STK24: variants seen among roughly 807,000 people sequenced by gnomAD.
The protein encoded by STK24 is serine/threonine-protein kinase 24.
Under a neutral mutation model 55.6 loss-of-function variants are expected in STK24, and 21 were observed. That is an observed-to-expected ratio of 0.38 (90% CI 0.27 to 0.54). The LOEUF (loss-of-function observed/expected upper bound fraction) is 0.54, where lower values mean the gene tolerates loss of function less well. STK24 is among the 20% of genes least tolerant of loss of function. The pLI, the probability that STK24 is intolerant of heterozygous loss-of-function variation, is 0.79. For missense variants in STK24, 383 were observed against 538.4 expected (o/e 0.71, Z 2.86); for synonymous variants, 200 against 215.2 (o/e 0.93, Z 0.62).
chr13:98,532,739 A>T (rs1896614136), intron 1 of STK24, among the ~76,000 whole-genome samples: 1 of 152,258 alleles, frequency 6.6e-6, no homozygotes, highest in African/African-American at 2.4e-5. Flanking sequence ...CCTACTGATA[A>T]CAAATCATTT....
chr13:98,538,687 C>T (rs1382439600), intron 1 of STK24, among the ~76,000 whole-genome samples: 1 of 152,126 alleles, frequency 6.6e-6, no homozygotes, highest in Non-Finnish European at 1.5e-5. Context: ...CATTCACACA[C>T]ATGCATGCAC....
At chr13:98,465,961 T>G (rs963220921) in intron 6 of STK24, among the ~76,000 whole-genome samples, 5 of 152,224 alleles carry the variant, frequency 3.3e-5, no homozygotes, top group African/African-American at 1.2e-4. Context: ...TTCTAATCTT[T>G]TGTTTCCTAA....
At chr13:98,538,802 G>C (rs1594652541) in intron 1 of STK24, among the ~76,000 whole-genome samples, 1 of 152,290 alleles carries the variant, frequency 6.6e-6, no homozygotes, top group East Asian at 1.9e-4. Context: ...CACTGCCACT[G>C]CCTCCTTCCC....
At chr13:98,469,876 C>A (rs558046051) in intron 5 of STK24, among the ~76,000 whole-genome samples, 171 of 152,294 alleles carry the variant, frequency 1.1e-3, no homozygotes, top group African/African-American at 4.0e-3. Flanking sequence ...GCATACAAAT[C>A]GAAAGCCACA....
chr13:98,458,170 A>C (rs1428856237), intron 9 of STK24, among the ~76,000 whole-genome samples: 1 of 152,186 alleles, frequency 6.6e-6, no homozygotes, highest in African/African-American at 2.4e-5. Context: ...TCCCAAGAGA[A>C]ATCACAACAG....
Position 98,526,945 on chromosome 13 carries a change from A to G in STK24, c.43-7472T>C, listed in dbSNP as rs77552608. 6.9e-3 allele frequency among the ~76,000 whole-genome samples: 1,057 copies of G among 152,328 alleles called. 11 individuals are homozygous for G. Among genetic ancestry groups the G allele is most frequent in the African/African-American group, 0.024 (995 of 41,562 alleles). On this transcript the variant is annotated intron_variant, in intron 1 of 10. Transcript: ENST00000539966. ...GCCAGGTGGAAATCGGCCTGCTGAT[A>G]CCGACCCCATGTGAGGATAACACGC...
chr13:98,564,389 G>A (rs1216305747), intron 1 of STK24, among the ~76,000 whole-genome samples: 1 of 152,216 alleles, frequency 6.6e-6, no homozygotes, highest in African/African-American at 2.4e-5. Context: ...GGGCTCCCTA[G>A]GCAGAGGAAG....
chr13:98,466,483 T>G lies in STK24; in HGVS notation c.676A>C (p.Lys226Gln), dbSNP rs1893930521. 6.2e-7 allele frequency: 1 copy of G among 1,614,022 alleles called. No individual in the cohort carries two copies. Among genetic ancestry groups the G allele is most frequent in the African/African-American group, 1.3e-5 (1 of 74,922 alleles). ...TTCTTTGGAATGAGGAATAAAACTT[T>G]CATGGGGTGCAGCTCGGAATGAGGT... ...EPPHSELHPM[K>Q]VLFLIPKNNP... is the part of the protein sequence containing the mutation. Residue 226 changes from lysine to glutamine, a missense_variant, in exon 6 of 11, where the codon AAA (lysine) becomes CAA (glutamine). By Grantham distance (53) the Lys-to-Gln change is moderately conservative (BLOSUM62 1). Coordinates refer to ENST00000539966, the MANE Select transcript of STK24 (RefSeq NM_001032296.4).
In STK24 at chr13:98,548,861, CAAAAAA is replaced by C. The variant is rs55793722; in HGVS notation, c.42+27878_42+27883del. On this transcript the variant is annotated intron_variant, in intron 1 of 10. Transcript: ENST00000539966. ...CAGGCGACAGAGTGAGACTCTGTCT[CAAAAAA>C]AAAAAAAAAAAAAAAAAAATAGAGT... 4.2e-3 allele frequency among the ~76,000 whole-genome samples: 157 copies of C among 37,796 alleles called. 1 individual carries two copies. In the South Asian group the frequency reaches 0.058, roughly 14 times the overall value. The allele number at this position is 37,796 out of a possible 152,430, so 24.8% of individuals were successfully genotyped here.
chr13:98,483,744 C>T (rs753062215), intron 2 of STK24, among the ~76,000 whole-genome samples: 2 of 152,164 alleles, frequency 1.3e-5, no homozygotes, highest in South Asian at 2.1e-4. Context: ...CTGGTGTGCT[C>T]GAGCTCAGTA....
intron 1 of STK24, among the ~76,000 whole-genome samples, chr13:98,541,133 A>C (rs1454591594): frequency 6.6e-6 from 1 of 152,200 alleles, no homozygotes; most frequent in Admixed American, 6.5e-5. Context: ...TTGCTCACTA[A>C]TGTCTTTAGC....
chr13:98,474,786 C>A (rs1169816671), intron 5 of STK24, 35 bp downstream of exon 5: 1 of 1,569,942 alleles, frequency 6.4e-7, no homozygotes, highest in East Asian at 2.3e-5. Context: ...CTCCAGGCCT[C>A]GTGAGGCACG....
intron 2 of STK24, chr13:98,509,037 C>A (rs1895789537): frequency 6.6e-6 from 1 of 152,126 alleles, no homozygotes; most frequent in Admixed American, 6.6e-5. Context: ...TTTGGGCACC[C>A]TTTTTTAGTT....
intron 10 of STK24, chr13:98,455,037 T>C (rs540720640): frequency 2.6e-5 from 4 of 152,358 alleles, no homozygotes; most frequent in East Asian, 3.9e-4. Flanking sequence ...ACGTAAAATG[T>C]GCTGCGTCTG....
intron 5 of STK24, among the ~76,000 whole-genome samples, chr13:98,466,781 T>A (rs994753563): frequency 2.0e-5 from 3 of 152,230 alleles, no homozygotes; most frequent in Admixed American, 6.5e-5. Context: ...GGAGATGGCT[T>A]ATCAATTCAC....
intron 2 of STK24, among the ~76,000 whole-genome samples, chr13:98,501,629 C>A (rs2139345636): frequency 6.6e-6 from 1 of 152,192 alleles, no homozygotes; most frequent in South Asian, 2.1e-4. Context: ...TCATGTATCC[C>A]ATAAATATAT....
intron 6 of STK24, among the ~76,000 whole-genome samples, chr13:98,465,556 G>T (rs1240796741): frequency 6.6e-6 from 1 of 152,246 alleles, no homozygotes; most frequent in East Asian, 1.9e-4. Context: ...TCAAACACTG[G>T]TGTGGTGGTC....
chr13:98,526,234 A>G (rs1896424271), intron 1 of STK24, among the ~76,000 whole-genome samples: 1 of 152,218 alleles, frequency 6.6e-6, no homozygotes, highest in African/African-American at 2.4e-5. Context: ...AGCTGTATGT[A>G]TAATTTTTTT....
intron 6 of STK24, among the ~76,000 whole-genome samples, chr13:98,464,282 G>T (rs1363220498): frequency 6.6e-6 from 1 of 151,602 alleles, no homozygotes; most frequent in Non-Finnish European, 1.5e-5. Flanking sequence ...AGCCGGGCGT[G>T]GTGGTGGGCG....
Sources: gnomAD v4.1 joint callset for allele counts (sites outside exome capture counted in the v4.1 genomes callset) on GRCh38, gnomAD v4.1.1 for gene constraint, MANE v1.5 for transcripts, NCBI Gene and HGNC (gene_info 2026-07-23, HGNC 2026-07-21) for gene names.